The following TP53BP1 variants were observed in gnomAD, a reference collection of about 807,000 sequenced individuals.
TP53BP1 encodes TP53-binding protein 1.
A neutral mutation model predicts 200.8 loss-of-function variants in TP53BP1; 61 were observed. That is an observed-to-expected ratio of 0.30 (90% CI 0.25 to 0.38). The LOEUF is 0.38. Ranked by LOEUF, TP53BP1 falls within the 10% of genes least tolerant of loss-of-function variation. The pLI, the probability that TP53BP1 is intolerant of heterozygous loss-of-function variation, is 1.00. For missense variants in TP53BP1, 2,144 were observed against 2,371.9 expected, an observed-to-expected ratio of 0.90 and a Z score of 2.00; for synonymous variants, 822 against 844.3, an observed-to-expected ratio of 0.97 and a Z score of 0.46.
At chr15:43,509,717 G>C (rs2079260803) in intron 1 of TP53BP1, among the ~76,000 whole-genome samples, 1 of 152,136 alleles carries the variant, frequency 6.6e-6, no homozygotes, top group Non-Finnish European at 1.5e-5. Context: ...CCGCTGTGAA[G>C]TATTTAACAT....
At chr15:43,478,051 G>A (rs1027247423) in intron 7 of TP53BP1, among the ~76,000 whole-genome samples, 3 of 152,112 alleles carry the variant, frequency 2.0e-5, no homozygotes, top group African/African-American at 7.2e-5. Context: ...GGGAATTTTT[G>A]TTACATATAA....
In TP53BP1 at chr15:43,474,728, G is replaced by A. The variant is rs753242701; in HGVS notation, c.1125C>T (p.Phe375=). 1.2e-6 allele frequency: 2 copies of A among 1,613,536 alleles called. No individual in the cohort carries two copies. Among genetic ancestry groups the A allele is most frequent in the East Asian group, 2.2e-5 (1 of 44,872 alleles). Residue 375 remains phenylalanine, a synonymous_variant, in exon 10 of 28, where the codon TTC becomes TTT. Coordinates refer to ENST00000382044, the MANE Select transcript of TP53BP1 (RefSeq NM_001141980.3). The stretch of plus-strand genomic sequence containing the variant: ...TAGGAACGATAAAAGGAGTAGATCG[G>A]AAAGCATCAGGAGAAGGAGCAACAA... ...SDLVAPSPDA[F]RSTPFIVPSS...
At chr15:43,465,896 C>G (rs2046565804) in intron 11 of TP53BP1, among the ~76,000 whole-genome samples, 1 of 152,086 alleles carries the variant, frequency 6.6e-6, no homozygotes. Flanking sequence ...TTCAAGTGAT[C>G]CTCCCACCTT....
At chr15:43,479,817 G>C (rs761853451) in intron 6 of TP53BP1, 42 bp downstream of exon 6, 1 of 1,607,230 alleles carries the variant, frequency 6.2e-7, no homozygotes, top group South Asian at 1.1e-5. Flanking sequence ...TAATATGGGA[G>C]AAAACACAAC....
rs1327147196 is a variant in TP53BP1 at position 43,406,738 on chromosome 15, G to GT, written c.*644dup. On this transcript the variant is annotated 3_prime_UTR_variant, in exon 28 of 28. Transcript: ENST00000382044. The stretch of plus-strand genomic sequence containing the variant: ...AATATTGGGTCTTTGACTAGAACGT[G>GT]TAACATTTCCAGGTGTTCTCACTTG... 1 of 397,300 alleles carries GT rather than the reference G, an allele frequency of 2.5e-6. No individual in the cohort carries two copies. The highest frequency in any genetic ancestry group is 2.1e-5 in the African/African-American group (1 of 47,610). 24.6% of individuals were successfully genotyped at this position (397,300 alleles called of 1,614,324 possible). A position where few individuals can be genotyped will look rare whatever the true frequency, so the allele number is the denominator to read the frequency against.
chr15:43,503,281 T>C (rs1350028742), intron 1 of TP53BP1, among the ~76,000 whole-genome samples: 2 of 152,228 alleles, frequency 1.3e-5, no homozygotes, highest in Non-Finnish European at 2.9e-5. Flanking sequence ...ATTTAGTTGC[T>C]TTCTGTCACT....
In TP53BP1 at chr15:43,407,461, C is replaced by T. The variant is rs980237157; in HGVS notation, c.5856G>A (p.Val1952=). 1.9e-6 allele frequency: 3 copies of T among 1,614,094 alleles called. No individual in the cohort carries two copies. The highest frequency in any genetic ancestry group is 2.5e-6 in the Non-Finnish European group (3 of 1,180,030). ...TCTCCCCAACAATGAGGCACTGGAT[C>T]ACCCACTCTTGTGACACCACAGGCA... The part of the protein sequence containing the change: ...LQLPVVSQEW[V]IQCLIVGERI... Residue 1952 remains valine, a synonymous_variant, in exon 28 of 28, where the codon GTG becomes GTA. Coordinates refer to ENST00000382044, the MANE Select transcript of TP53BP1 (RefSeq NM_001141980.3).
chr15:43,504,812 G>T (rs1425947159), intron 1 of TP53BP1, among the ~76,000 whole-genome samples: 1 of 152,134 alleles, frequency 6.6e-6, no homozygotes, highest in Non-Finnish European at 1.5e-5. Context: ...CTGAGGTCAG[G>T]AGTTCAAGAC....
At chr15:43,469,559 AAC>A (rs1289462893) in intron 11 of TP53BP1, among the ~76,000 whole-genome samples, 2 of 152,338 alleles carry the variant, frequency 1.3e-5, no homozygotes, top group South Asian at 4.1e-4. Context: ...AAATTACAGT[AAC>A]AGTTGTGTTA....
chr15:43,483,333 G>A (rs1334910018), intron 4 of TP53BP1, among the ~76,000 whole-genome samples: 2 of 151,396 alleles, frequency 1.3e-5, no homozygotes, highest in African/African-American at 4.9e-5. Context: ...AAAAAACTTG[G>A]GGAATATGTT....
At chr15:43,412,868 A>G (rs560196881) in intron 24 of TP53BP1, 2 of 576,620 alleles carry the variant, frequency 3.5e-6, no homozygotes, top group Non-Finnish European at 6.6e-6. Flanking sequence ...CCTCATCCAT[A>G]AAATAGATAA....
intron 1 of TP53BP1, among the ~76,000 whole-genome samples, chr15:43,503,687 C>T (rs1411258476): frequency 6.6e-6 from 1 of 151,924 alleles, no homozygotes; most frequent in African/African-American, 2.4e-5. Flanking sequence ...CCTTTCCAAT[C>T]CTCCTTCCTT....
chr15:43,456,160 T>C lies in TP53BP1; in HGVS notation c.2448A>G (p.Glu816=). 1.2e-6 allele frequency: 2 copies of C among 1,614,198 alleles called. No homozygotes were observed. Among genetic ancestry groups the C allele is most frequent in the Non-Finnish European group, 1.7e-6 (2 of 1,180,032 alleles). Residue 816 remains glutamate (E), a synonymous_variant, in exon 12 of 28, where the codon GAA becomes GAG. Transcript: ENST00000382044. ...RLDTKEEKSV[E]YEGDLKSGTA... ...TCCCTGATTTCAGATCTCCTTCATA[T>C]TCTACACTCTTTTCTTCCTTGGTGT...
intron 14 of TP53BP1, among the ~76,000 whole-genome samples, chr15:43,445,406 C>A (rs1033666785): frequency 6.6e-6 from 1 of 152,178 alleles, no homozygotes; most frequent in Admixed American, 6.6e-5. Flanking sequence ...AGTTCTCCTT[C>A]TCTCTGAACG....
intron 22 of TP53BP1, 70 bp downstream of exon 22, chr15:43,416,155 T>C: frequency 7.2e-7 from 1 of 1,380,518 alleles, no homozygotes. Flanking sequence ...TACTGACAGG[T>C]CCAGAATCTC....
At position 43,492,272 on chromosome 15, in the gene TP53BP1, G is replaced by C. The variant is rs751642046; in HGVS notation, c.192+12C>G. 7 of 1,608,314 alleles carry C rather than the reference G, an allele frequency of 4.4e-6. No individual in the cohort carries two copies. The highest frequency in any genetic ancestry group is 5.9e-6 in the Non-Finnish European group (7 of 1,177,888). On this transcript the variant is annotated intron_variant, in intron 2 of 27. Transcript: ENST00000382044. ...AATCTGCTCAATCTTCTTCAAACAA[G>C]GTATCACTCACCAACACAGGATTTT...
In TP53BP1 at chr15:43,415,814, G is replaced by A. The variant is rs747204356; in HGVS notation, c.4874-5C>T. On this transcript the variant is annotated splice_polypyrimidine_tract_variant and splice_region_variant and intron_variant, in intron 22 of 27. Transcript: ENST00000382044. ...GCTTCCCTTCCACCAAATTGTCTATGGCAGGATAAGCCAAACAGGTTGGTC... is the reference window on the plus strand; with the variant it reads ...GCTTCCCTTCCACCAAATTGTCTATAGCAGGATAAGCCAAACAGGTTGGTC... The A allele has an allele frequency of 1.2e-6, 2 of 1,613,398 alleles. No individual in the cohort carries two copies. The highest frequency in any genetic ancestry group is 1.7e-6 in the Non-Finnish European group (2 of 1,179,520).
At chr15:43,481,418 T>A (rs2078963470) in intron 4 of TP53BP1, among the ~76,000 whole-genome samples, 1 of 145,430 alleles carries the variant, frequency 6.9e-6, no homozygotes, top group Non-Finnish European at 1.5e-5. Flanking sequence ...AACCACAGAG[T>A]CCAAACAAAA....
At chr15:43,493,159 CCT>C (rs1393021389), upstream of TP53BP1, 2 of 1,549,612 alleles carry the variant, frequency 1.3e-6, no homozygotes, top group Non-Finnish European at 1.7e-6. Context: ...GCGAACTCCC[CCT>C]TTCCCGTCAC....
Sources: allele counts gnomAD v4.1 joint callset (sites outside exome capture counted in the v4.1 genomes callset), GRCh38; gene constraint gnomAD v4.1.1; transcripts MANE v1.5; gene names NCBI Gene and HGNC (gene_info 2026-07-23, HGNC 2026-07-21).